The following COLQ variants were observed in gnomAD, a reference collection of about 807,000 sequenced individuals.
COLQ encodes the protein collagen like tail subunit of asymmetric acetylcholinesterase.
COLQ carries 48 observed loss-of-function variants against 69.0 expected under a neutral mutation model. The ratio of observed to expected loss-of-function variants is 0.70; its 90% CI spans 0.55 to 0.88. The LOEUF (loss-of-function observed/expected upper bound fraction) is 0.88. Ranked by LOEUF, COLQ falls within the 40% of genes least tolerant of loss-of-function variation. The probability of loss-of-function intolerance (pLI) is 0.00; values close to 1 mark genes in which losing one functional copy is unlikely to be tolerated. For missense variants in COLQ, 618 were observed against 594.6 expected, an observed-to-expected ratio of 1.04 and a Z score of -0.41; for synonymous variants, 217 against 211.2, an observed-to-expected ratio of 1.03 and a Z score of -0.24.
chr3:15,483,578 C>G (rs962461184), intron 3 of COLQ, among the ~76,000 whole-genome samples: 6 of 152,126 alleles, frequency 3.9e-5, no homozygotes, highest in African/African-American at 1.2e-4. Context: ...GTCTGAGAGA[C>G]AGTTTGTTAT....
At chr3:15,475,311 C>A (rs528521586) in intron 7 of COLQ, 114 bp downstream of exon 7, 8 of 1,057,816 alleles carry the variant, frequency 7.6e-6, no homozygotes, top group Non-Finnish European at 1.0e-5. Context: ...CTCCAATATC[C>A]GCGACATTCC....
intron 3 of COLQ, among the ~76,000 whole-genome samples, chr3:15,484,122 T>G (rs935672240): frequency 3.9e-5 from 6 of 152,216 alleles, no homozygotes; most frequent in Non-Finnish European, 8.8e-5. Flanking sequence ...GCACGTGAGA[T>G]GGGTCTCCTG....
intron 11 of COLQ, among the ~76,000 whole-genome samples, chr3:15,468,372 G>A (rs943776398): frequency 1.1e-4 from 13 of 115,998 alleles, no homozygotes; most frequent in Admixed American, 6.4e-4. Flanking sequence ...TTGCTCTGTC[G>A]CCCAGGCTGG....
intron 6 of COLQ, 65 bp from the exon 7 acceptor site, chr3:15,475,552 C>A: frequency 6.8e-7 from 1 of 1,468,592 alleles, no homozygotes; most frequent in Non-Finnish European, 9.3e-7. Flanking sequence ...ACCAGGAAGT[C>A]ACAGGCAAGA....
At chr3:15,465,539 T>G (rs1257345074) in intron 12 of COLQ, among the ~76,000 whole-genome samples, 1 of 146,580 alleles carries the variant, frequency 6.8e-6, no homozygotes, top group Non-Finnish European at 1.5e-5. Flanking sequence ...GTGCTGGGAT[T>G]ACAGGCGTGA....
chr3:15,493,051 C>T (rs972293331), intron 1 of COLQ, among the ~76,000 whole-genome samples: 2 of 152,176 alleles, frequency 1.3e-5, no homozygotes, highest in Admixed American at 1.3e-4. Context: ...CAACAGGTGG[C>T]CACCAGCTGG....
At chr3:15,472,508 C>A (rs1414937216) in intron 10 of COLQ, among the ~76,000 whole-genome samples, 1 of 152,148 alleles carries the variant, frequency 6.6e-6, no homozygotes, top group Non-Finnish European at 1.5e-5. Flanking sequence ...ATGAAAAATA[C>A]TAACAAAGCA....
At chr3:15,510,293 C>G (rs2062967640) in intron 1 of COLQ, among the ~76,000 whole-genome samples, 1 of 152,118 alleles carries the variant, frequency 6.6e-6, no homozygotes, top group African/African-American at 2.4e-5. Flanking sequence ...TAATTGAGAG[C>G]AAACTGTATG....
intron 15 of COLQ, 37 bp from the exon 16 acceptor site, chr3:15,453,968 G>A (rs2061988692): frequency 6.9e-7 from 1 of 1,456,590 alleles, no homozygotes; most frequent in African/African-American, 1.4e-5. Context: ...TTGAGAAGGA[G>A]CAGAGGCGAT....
intron 11 of COLQ, among the ~76,000 whole-genome samples, chr3:15,469,778 A>G (rs1395885309): frequency 6.6e-6 from 1 of 152,132 alleles, no homozygotes; most frequent in Middle Eastern, 3.2e-3. Context: ...AACTACAACC[A>G]TTGCACCTGA....
intron 9 of COLQ, 88 bp from the exon 10 acceptor site, chr3:15,474,123 T>G (rs1242806753): frequency 1.2e-6 from 2 of 1,600,834 alleles, no homozygotes; most frequent in Non-Finnish European, 1.7e-6. Context: ...ATTTTCAAGA[T>G]GGAGGCCTGT....
intron 1 of COLQ, chr3:15,499,008 GCC>G: frequency 9.7e-7 from 1 of 1,035,514 alleles, no homozygotes; most frequent in Non-Finnish European, 1.2e-6. Context: ...GCTCTGGTAA[GCC>G]TCAAAGTCAA....
At chr3:15,462,063 C>A (rs1049663467) in intron 12 of COLQ, among the ~76,000 whole-genome samples, 10 of 152,024 alleles carry the variant, frequency 6.6e-5, no homozygotes, top group African/African-American at 2.4e-4. Flanking sequence ...GAGTCTTACT[C>A]TGTCGCCCAG....
chr3:15,515,107 C>G (rs1481253954), intron 1 of COLQ, among the ~76,000 whole-genome samples: 1 of 152,166 alleles, frequency 6.6e-6, no homozygotes, highest in Non-Finnish European at 1.5e-5. Flanking sequence ...GTCTTTCATT[C>G]ATCTCTTAGG....
chr3:15,494,572 G>A (rs1203036950), intron 1 of COLQ, among the ~76,000 whole-genome samples: 1 of 152,042 alleles, frequency 6.6e-6, no homozygotes. Context: ...AGTTGGAAAG[G>A]CTTGCAGAGC....
intron 3 of COLQ, among the ~76,000 whole-genome samples, chr3:15,487,158 C>A (rs981400565): frequency 1.5e-4 from 23 of 152,010 alleles, no homozygotes; most frequent in African/African-American, 5.6e-4. Context: ...TTGTGGTGGT[C>A]GTGTGGGCAG....
At chr3:15,454,803 G>A (rs144909098) in intron 15 of COLQ, among the ~76,000 whole-genome samples, 1,880 of 151,908 alleles carry the variant, frequency 0.012, 41 homozygotes, top group African/African-American at 0.043. Flanking sequence ...CTACAAGTGC[G>A]CACCACCAGG....
Position 15,474,952 on chromosome 3 carries a change from C to T in COLQ, c.529-1G>A. 1 of 1,614,032 alleles carries T rather than the reference C, an allele frequency of 6.2e-7. No homozygotes were observed. The highest frequency in any genetic ancestry group is 8.5e-7 in the Non-Finnish European group (1 of 1,179,942). On this transcript the variant is annotated splice_acceptor_variant, in intron 7 of 16. Transcript: ENST00000383788. LOFTEE classifies it high-confidence loss of function. ...TTTCCCCTCTGGATCCAGGGTAGCCCTAAAAGAAAGCAGAAGGTACATTTA... is the reference window on the plus strand; with the variant it reads ...TTTCCCCTCTGGATCCAGGGTAGCCTTAAAAGAAAGCAGAAGGTACATTTA...
intron 1 of COLQ, among the ~76,000 whole-genome samples, chr3:15,503,584 C>G (rs1376237904): frequency 6.6e-6 from 1 of 152,142 alleles, no homozygotes; most frequent in Non-Finnish European, 1.5e-5. Flanking sequence ...TTGCCCTAAC[C>G]CAGTAGTGAG....
Sources: allele counts gnomAD v4.1 joint callset (sites outside exome capture counted in the v4.1 genomes callset), GRCh38; gene constraint gnomAD v4.1.1; transcripts MANE v1.5; gene names NCBI Gene and HGNC (gene_info 2026-07-23, HGNC 2026-07-21).